DNHD1: variants seen among roughly 807,000 people sequenced by gnomAD.
The protein encoded by DNHD1 is dynein heavy chain domain-containing protein 1.
DNHD1 carries 383 observed loss-of-function variants against 458.1 expected under a neutral mutation model. The observed-to-expected ratio is 0.84, with a 90% CI of 0.77 to 0.91. The LOEUF is 0.91. Among genes scored for constraint, DNHD1 ranks in the 40% least tolerant of loss-of-function variants. The pLI is 0.00. For missense variants in DNHD1, 5,336 were observed against 5,866.1 expected, an observed-to-expected ratio of 0.91 and a Z score of 2.95; for synonymous variants, 2,203 against 2,376.9, an observed-to-expected ratio of 0.93 and a Z score of 2.13.
rs1853221925 is a variant in DNHD1, at chr11:6,546,537, G to A, written c.5598G>A (p.Val1866=). ...TCTTCTCTCTAGAGCGTGAGCTGGT[G>A]TCTGGGCCCCTGCCCTGCCGCCTGC... is the stretch of plus-strand genomic sequence containing the variant. ...SKFFSLEREL[V]SGPLPCRLPL... is the part of the protein sequence containing the mutation. Residue 1866 remains valine (V), a synonymous_variant, in exon 21 of 43, where the codon GTG becomes GTA. Transcript: ENST00000254579. The A allele has an allele frequency of 1.3e-6, 2 of 1,551,336 alleles. No homozygotes were observed. Among genetic ancestry groups the A allele is most frequent in the Non-Finnish European group, 1.7e-6 (2 of 1,147,002 alleles).
chr11:6,530,405 G>C (rs10839575), intron 12 of DNHD1, among the ~76,000 whole-genome samples: 75,628 of 152,058 alleles, frequency 0.5, 19,306 homozygotes, highest in East Asian at 0.83. Flanking sequence ...GTACTAGCTA[G>C]TGCCTCAGCC....
rs1564813151 is a variant in DNHD1 at position 6,538,643 on chromosome 11, A to C, written c.3158A>C (p.Glu1053Ala). Residue 1053 changes from glutamate (E) to alanine (A), a missense_variant, in exon 16 of 43, where the codon GAG (glutamate) becomes GCG (alanine). Glu to Ala is a moderately radical substitution (Grantham distance 107). This residue lies in a region of DNHD1 where 3,932 missense variants were observed against 4,365.6 expected (regional missense o/e 0.90). Transcript: ENST00000254579. ...CCAGCTATGGCCCAGGAGAAGACAG[A>C]GGGCTGGCTGACAGAGGCAGCACGG... ...FSPAMAQEKT[E>A]GWLTEAARMS... 1 of 1,545,604 alleles carries C rather than the reference A, an allele frequency of 6.5e-7. No individual in the cohort carries two copies. Among genetic ancestry groups the C allele is most frequent in the South Asian group, 1.2e-5 (1 of 83,528 alleles).
rs767673726 is a variant in DNHD1 at position 6,519,580 on chromosome 11, T to C, written c.1393-20T>C. The C allele has an allele frequency of 6.2e-6, 10 of 1,613,068 alleles. No homozygotes were observed. In the South Asian group the frequency reaches 1.1e-4, roughly 18 times the overall value. Reference sequence around the variant, plus strand: ...GCTCTCCATCCCCCTATCTGGTGAGTTTCCACTCTATGCTCACAGGTTCAC... The same window carrying C: ...GCTCTCCATCCCCCTATCTGGTGAGCTTCCACTCTATGCTCACAGGTTCAC... On this transcript the variant is annotated intron_variant, in intron 7 of 42. Coordinates refer to ENST00000254579, the MANE Select transcript of DNHD1 (RefSeq NM_144666.3).
In DNHD1 at chr11:6,544,668, C is replaced by T; in HGVS notation, c.3849C>T (p.Asp1283=). The T allele has an allele frequency of 1.3e-6, 2 of 1,551,030 alleles. No individual in the cohort carries two copies. Among genetic ancestry groups the T allele is most frequent in the Non-Finnish European group, 1.7e-6 (2 of 1,146,596 alleles). ...HEMKIQFPNA[D]LNSRFKVMDD... Reference sequence around the variant, plus strand: ...TGAAGATCCAGTTTCCTAATGCTGACCTGGTAGGGAAGGGGGTTGAGGCAG... The same window carrying T: ...TGAAGATCCAGTTTCCTAATGCTGATCTGGTAGGGAAGGGGGTTGAGGCAG... Residue 1283 remains aspartate (D), a synonymous_variant, in exon 20 of 43, where the codon GAC becomes GAT. Coordinates refer to ENST00000254579, the MANE Select transcript of DNHD1 (RefSeq NM_144666.3).
Position 6,547,238 on chromosome 11 carries a change from G to A in DNHD1, c.6299G>A (p.Cys2100Tyr), listed in dbSNP as rs1853240538. 6.4e-7 allele frequency: 1 copy of A among 1,551,776 alleles called. No homozygotes were observed. The highest frequency in any genetic ancestry group is 2.4e-5 in the East Asian group (1 of 40,918). ...GGTGCTTGGCTGGACTCCATCACTTGCCTCCTGAGTGAGCTTCCCCAGCTT... is the reference window on the plus strand; with the variant it reads ...GGTGCTTGGCTGGACTCCATCACTTACCTCCTGAGTGAGCTTCCCCAGCTT... ...SNGAWLDSIT[C>Y]LLSELPQLSL... The change falls in exon 21 of 43, where the codon TGC becomes TAC. Residue 2100 changes from cysteine to tyrosine, a missense_variant. Physicochemically the swap from Cys to Tyr is radical, Grantham distance 194 (BLOSUM62 -2). This residue lies in a region of DNHD1 where 3,932 missense variants were observed against 4,365.6 expected (regional missense o/e 0.90). Transcript: ENST00000254579.
chr11:6,527,713 G>A (rs1286728824), intron 10 of DNHD1, among the ~76,000 whole-genome samples: 1 of 152,212 alleles, frequency 6.6e-6, no homozygotes, highest in Non-Finnish European at 1.5e-5. Flanking sequence ...TAGAGAGTGA[G>A]TACAGTTGGA....
chr11:6,506,129 G>A (rs1487430554), intron 4 of DNHD1, among the ~76,000 whole-genome samples: 1 of 152,174 alleles, frequency 6.6e-6, no homozygotes, highest in East Asian at 1.9e-4. Flanking sequence ...ATTTGGTGCT[G>A]CTTTTCCCCA....
intron 10 of DNHD1, among the ~76,000 whole-genome samples, chr11:6,526,827 AG>A (rs1441149845): frequency 3.3e-5 from 5 of 152,286 alleles, no homozygotes; most frequent in Non-Finnish European, 7.4e-5. Flanking sequence ...CTGTTCTTGG[AG>A]GGGGTAAGAC....
chr11:6,537,543 G>GA (rs35094892), intron 14 of DNHD1, among the ~76,000 whole-genome samples: 3,048 of 142,310 alleles, frequency 0.021, 46 homozygotes, highest in Non-Finnish European at 0.03. Flanking sequence ...AAGTGATAGA[G>GA]AAAAAAAAAA....
At chr11:6,553,448 T>C (rs1297215977) in intron 24 of DNHD1, among the ~76,000 whole-genome samples, 1 of 152,160 alleles carries the variant, frequency 6.6e-6, no homozygotes, top group East Asian at 1.9e-4. Flanking sequence ...GGCAAGAACA[T>C]ACTCACTGCT....
rs1202985609 is a variant in DNHD1 at position 6,548,947 on chromosome 11, A to G, written c.7387+14A>G. The G allele has an allele frequency of 1.7e-5, 26 of 1,550,842 alleles. No homozygotes were observed. The East Asian group carries it at 5.1e-4, about 31-fold the overall frequency. On this transcript the variant is annotated intron_variant, in intron 24 of 42. Transcript: ENST00000254579. This position sits in a 1 kb window ranked among gnomAD's most constrained non-coding sequence, Gnocchi z 4.4. ...TAGCCACTTCTGGTGAGGAGCTGCG[A>G]AGAGGGAAGGAAGGAGCTACTGTCA...
chr11:6,500,243 G>A (rs1250566484), intron 3 of DNHD1, among the ~76,000 whole-genome samples: 1 of 152,220 alleles, frequency 6.6e-6, no homozygotes, highest in African/African-American at 2.4e-5. Flanking sequence ...TGGGATTACA[G>A]GCATAAGCCA....
chr11:6,562,084 G>A (rs1246067408), intron 28 of DNHD1, among the ~76,000 whole-genome samples: 1 of 152,176 alleles, frequency 6.6e-6, no homozygotes, highest in African/African-American at 2.4e-5. Flanking sequence ...GTAGAAGGTC[G>A]GGAGTGAGAG....
Position 6,556,733 on chromosome 11 carries a change from GATGGC to G in DNHD1, c.7440_7444del (p.Gly2481CysfsTer29). Reference sequence around the variant, plus strand: ...GTTGGAGACTCTGCGCCAGGCCATGGATGGCACTGTGTATGCCCACAGCACCTTGG... The same window carrying G: ...GTTGGAGACTCTGCGCCAGGCCATGGACTGTGTATGCCCACAGCACCTTGG... On this transcript the variant is annotated frameshift_variant, in exon 25 of 43. Coordinates refer to ENST00000254579, the MANE Select transcript of DNHD1 (RefSeq NM_144666.3). LOFTEE classifies it high-confidence loss of function. The G allele has an allele frequency of 6.4e-7, 1 of 1,551,438 alleles. No individual in the cohort carries two copies. The highest frequency in any genetic ancestry group is 1.2e-5 in the South Asian group (1 of 84,052).
intron 29 of DNHD1, 109 bp from the exon 30 acceptor site, chr11:6,563,273 G>T: frequency 6.7e-7 from 1 of 1,499,790 alleles, no homozygotes; most frequent in South Asian, 1.2e-5. Context: ...GATGGCTTGG[G>T]GAGTGGCCTC....
In DNHD1 at chr11:6,568,551, T is replaced by C. The variant is rs762700821; in HGVS notation, c.12636T>C (p.Pro4212=). ...HRDFRLWLIV[P]AESSASLPAV... is the part of the protein sequence containing the mutation. ...ATTTTCGTCTTTGGCTTATTGTGCCTGCAGAGTCTAGTGCTTCTTTGCCAG... is the reference window on the plus strand; with the variant it reads ...ATTTTCGTCTTTGGCTTATTGTGCCCGCAGAGTCTAGTGCTTCTTTGCCAG... Residue 4212 remains proline (P), a synonymous_variant, in exon 38 of 43, where the codon CCT becomes CCC. Transcript: ENST00000254579. 3.2e-5 allele frequency: 51 copies of C among 1,613,934 alleles called. No homozygotes were observed. In the Admixed American group the frequency reaches 7.8e-4, roughly 25 times the overall value.
intron 11 of DNHD1, 40 bp downstream of exon 11, chr11:6,528,827 A>G (rs1268779475): frequency 2.6e-6 from 4 of 1,550,112 alleles, no homozygotes; most frequent in Non-Finnish European, 3.5e-6. Context: ...CTGCCCACCA[A>G]TTCCCATTAT....
intron 24 of DNHD1, among the ~76,000 whole-genome samples, chr11:6,555,478 A>G (rs1853442474): frequency 6.6e-6 from 1 of 152,212 alleles, no homozygotes; most frequent in South Asian, 2.1e-4. Flanking sequence ...AGATAAAAGA[A>G]GTATCCTGTG....
In DNHD1 at chr11:6,509,024, G is replaced by T; in HGVS notation, c.1065G>T (p.Trp355Cys). The T allele has an allele frequency of 6.2e-7, 1 of 1,614,210 alleles. No homozygotes were observed. Among genetic ancestry groups the T allele is most frequent in the Non-Finnish European group, 8.5e-7 (1 of 1,180,038 alleles). ...LGTWHHHCVL[W>C]QQLQFIPFFK... ...CCTGGCACCATCACTGTGTTCTCTG[G>T]CAGCAGCTCCAGTTCATTCCATTCT... The change falls in exon 5 of 43, where the codon TGG becomes TGT. Residue 355 changes from tryptophan to cysteine, a missense_variant. Trp to Cys is a radical substitution (Grantham distance 215, BLOSUM62 -2). Coordinates refer to ENST00000254579, the MANE Select transcript of DNHD1 (RefSeq NM_144666.3).
Sources: gnomAD v4.1 joint callset for allele counts (sites outside exome capture counted in the v4.1 genomes callset) on GRCh38, gnomAD v4.1.1 for gene constraint, gnomAD v4.1.1 regional missense constraint, Gnocchi (gnomAD v3.1) non-coding constraint, MANE v1.5 for transcripts, NCBI Gene and HGNC (gene_info 2026-07-23, HGNC 2026-07-21) for gene names.